The following SYT3 variants were observed in gnomAD, a reference collection of about 807,000 sequenced individuals.
SYT3 encodes synaptotagmin-3.
A neutral mutation model predicts 50.6 loss-of-function variants in SYT3; 25 were observed. The observed-to-expected ratio is 0.49, with a 90% CI of 0.36 to 0.69. SYT3 has a LOEUF of 0.69. Ranked by LOEUF, SYT3 falls within the 30% of genes least tolerant of loss-of-function variation. SYT3 has a pLI of 0.00. For missense variants in SYT3, 589 were observed against 793.6 expected (o/e 0.74, Z 3.10); for synonymous variants, 323 against 353.9 (o/e 0.91, Z 0.98).
At chr19:50,649,920 C>T in the SYT3 span, 2 of 444,644 alleles carry the variant, frequency 4.5e-6, no homozygotes, top group Non-Finnish European at 9.1e-6. Flanking sequence ...GCCATCCTTC[C>T]ACCTCCCACA....
the SYT3 span, chr19:50,658,092 T>G: frequency 6.5e-7 from 1 of 1,535,646 alleles, no homozygotes; most frequent in Non-Finnish European, 8.7e-7. Flanking sequence ...TTTGAGAACA[T>G]GAACGTCATC....
chr19:50,633,262 G>A (rs1308421327), intron 3 of SYT3, among the ~76,000 whole-genome samples: 1 of 152,188 alleles, frequency 6.6e-6, no homozygotes, highest in Non-Finnish European at 1.5e-5. Flanking sequence ...GATTACAGAT[G>A]TGGCCACTGT....
At position 50,632,178 on chromosome 19, in the gene SYT3, C is replaced by T; in HGVS notation, c.674+108G>A. 2 of 1,253,750 alleles carry T rather than the reference C, an allele frequency of 1.6e-6. No individual in the cohort carries two copies. Among genetic ancestry groups the T allele is most frequent in the Non-Finnish European group, 2.2e-6 (2 of 913,262 alleles). The allele number at this position is 1,253,750 out of a possible 1,614,324, so 77.7% of individuals were successfully genotyped here. A position where few individuals can be genotyped will look rare whatever the true frequency, so the allele number is the denominator to read the frequency against. ...TTTCCCTAAGATCCAGGAGTCAATA[C>T]CCCGATTCCCCTCCAAATCCCGAAC... On this transcript the variant is annotated intron_variant, in intron 4 of 10. Coordinates refer to ENST00000600079, the MANE Select transcript of SYT3 (RefSeq NM_001160329.2). This position sits in a 1 kb window ranked among gnomAD's most constrained non-coding sequence, Gnocchi z 4.7.
upstream of SYT3, among the ~76,000 whole-genome samples, chr19:50,640,531 C>G (rs965410828): frequency 6.6e-6 from 1 of 152,130 alleles, no homozygotes; most frequent in Non-Finnish European, 1.5e-5. Flanking sequence ...GCTTTGAAAG[C>G]GTTTTCTCAT....
the SYT3 span, among the ~76,000 whole-genome samples, chr19:50,648,225 GA>G: frequency 5.9e-5 from 9 of 152,126 alleles, no homozygotes; most frequent in African/African-American, 1.7e-4. Flanking sequence ...AACCACAGGG[GA>G]AAAACCCTGT....
upstream of SYT3, among the ~76,000 whole-genome samples, chr19:50,640,214 C>T (rs775294163): frequency 4.6e-5 from 7 of 152,330 alleles, no homozygotes; most frequent in Non-Finnish European, 1.0e-4. Flanking sequence ...GAAGCTGAGA[C>T]TCAAAGGTAC....
chr19:50,636,379 T>C (rs1452191164), intron 3 of SYT3, among the ~76,000 whole-genome samples: 2 of 152,222 alleles, frequency 1.3e-5, no homozygotes, highest in Non-Finnish European at 2.9e-5. Flanking sequence ...TGTACTAGAC[T>C]ATGCAGGATT....
chr19:50,652,654 G>A, the SYT3 span, among the ~76,000 whole-genome samples: 1 of 152,146 alleles, frequency 6.6e-6, no homozygotes, highest in African/African-American at 2.4e-5. Flanking sequence ...ACACTAGCAC[G>A]GTCTGATCAC....
At chr19:50,627,934 G>A (rs887857077) in intron 6 of SYT3, among the ~76,000 whole-genome samples, 1 of 152,180 alleles carries the variant, frequency 6.6e-6, no homozygotes, top group Non-Finnish European at 1.5e-5. Context: ...AGGGGCCCTG[G>A]GACCTTGGAA....
At chr19:50,645,064 G>A in the SYT3 span, among the ~76,000 whole-genome samples, 3 of 152,266 alleles carry the variant, frequency 2.0e-5, no homozygotes, top group Non-Finnish European at 4.4e-5. Context: ...TGTAAATACA[G>A]ATTCACTTGT....
At chr19:50,641,972 G>C (rs1424683739), upstream of SYT3, among the ~76,000 whole-genome samples, 1 of 152,142 alleles carries the variant, frequency 6.6e-6, no homozygotes, top group Non-Finnish European at 1.5e-5. Context: ...CTTTAAGCAC[G>C]CATCCTGGGC....
At chr19:50,633,198 G>GT (rs11445442) in intron 3 of SYT3, among the ~76,000 whole-genome samples, 125,902 of 152,072 alleles carry the variant, frequency 0.83, 53,440 homozygotes, top group African/African-American at 0.94. Flanking sequence ...GCCCAGGCTG[G>GT]CTCGAACTCC....
chr19:50,637,144 T>C lies in SYT3; in HGVS notation c.148+120A>G, dbSNP rs1374783183. ...GGGAGAAGGGCAGCAGCAGGCAGAA[T>C]GGGGGCAAGACGCTACGAGGGACTG... On this transcript the variant is annotated intron_variant, in intron 3 of 10. Transcript: ENST00000600079. The surrounding 1 kb of genome is among the most constrained non-coding windows in gnomAD (Gnocchi z 4.9). The C allele has an allele frequency of 7.3e-6, 9 of 1,231,110 alleles. No individual in the cohort carries two copies. The highest frequency in any genetic ancestry group is 1.5e-5 in the African/African-American group (1 of 67,098). 76.3% of individuals were successfully genotyped at this position (1,231,110 alleles called of 1,614,324 possible). A position where few individuals can be genotyped will look rare whatever the true frequency, so the allele number is the denominator to read the frequency against.
chr19:50,641,620 C>T (rs78381282), upstream of SYT3, among the ~76,000 whole-genome samples: 12 of 151,524 alleles, frequency 7.9e-5, no homozygotes, highest in Admixed American at 1.3e-4. Flanking sequence ...GCCAAGTGGG[C>T]GGATCACTTG....
At chr19:50,645,734 A>G in the SYT3 span, among the ~76,000 whole-genome samples, 1 of 152,162 alleles carries the variant, frequency 6.6e-6, no homozygotes, top group East Asian at 1.9e-4. Context: ...TACAAAAATT[A>G]GCCAGGCGTG....
At chr19:50,631,137 T>C (rs1984286087) in intron 4 of SYT3, among the ~76,000 whole-genome samples, 1 of 149,254 alleles carries the variant, frequency 6.7e-6, no homozygotes, top group Non-Finnish European at 1.5e-5. Flanking sequence ...GTCACATCTC[T>C]GAAGTTTTCT....
chr19:50,656,067 C>G, the SYT3 span: 1 of 1,536,178 alleles, frequency 6.5e-7, no homozygotes. Context: ...CCTTATGGAC[C>G]TGGAGACCCC....
upstream of SYT3, among the ~76,000 whole-genome samples, chr19:50,641,371 C>A (rs1200275337): frequency 6.7e-6 from 1 of 149,854 alleles, no homozygotes; most frequent in Non-Finnish European, 1.5e-5. Context: ...TTAGTAAAGA[C>A]GGGGTTTCAC....
chr19:50,640,301 G>A (rs984956944), upstream of SYT3, among the ~76,000 whole-genome samples: 1 of 152,182 alleles, frequency 6.6e-6, no homozygotes, highest in African/African-American at 2.4e-5. Flanking sequence ...GCCTGTGTGC[G>A]CCTCTTGCTC....
Sources: gnomAD v4.1 joint callset for allele counts (sites outside exome capture counted in the v4.1 genomes callset) on GRCh38, gnomAD v4.1.1 for gene constraint, Gnocchi (gnomAD v3.1) non-coding constraint, MANE v1.5 for transcripts, NCBI Gene and HGNC (gene_info 2026-07-23, HGNC 2026-07-21) for gene names.